SPECC1: variants seen among roughly 807,000 people sequenced by gnomAD.
The protein encoded by SPECC1 is sperm antigen with calponin homology and coiled-coil domains 1.
In SPECC1, 62 loss-of-function variants were observed where a neutral mutation model predicts 104.1. The observed-to-expected ratio is 0.60, with a 90% CI of 0.49 to 0.74. The LOEUF is 0.74. Ranked by LOEUF, SPECC1 falls within the 30% of genes least tolerant of loss-of-function variation. The pLI is 0.00. For missense variants in SPECC1, 1,306 were observed against 1,310.5 expected (o/e 1.00, Z 0.05); for synonymous variants, 513 against 501.6 (o/e 1.02, Z -0.30).
intron 12 of SPECC1, among the ~76,000 whole-genome samples, chr17:20,284,448 T>C (rs1347985415): frequency 6.6e-6 from 1 of 152,208 alleles, no homozygotes; most frequent in Non-Finnish European, 1.5e-5. Context: ...CACTCGAGGT[T>C]TACCAGATAG....
intron 1 of SPECC1, among the ~76,000 whole-genome samples, chr17:20,051,647 G>A (rs974740721): frequency 1.3e-5 from 2 of 152,040 alleles, no homozygotes; most frequent in Non-Finnish European, 2.9e-5. Flanking sequence ...CTCTGTGCTA[G>A]ACAGCGTTTT....
chr17:20,285,526 C>T (rs774132312), intron 12 of SPECC1, among the ~76,000 whole-genome samples: 3 of 152,052 alleles, frequency 2.0e-5, no homozygotes, highest in Non-Finnish European at 2.9e-5. Context: ...CCATATTCCA[C>T]TCAGAAATAT....
In SPECC1 at chr17:20,291,794, A is replaced by G. The variant is rs558201481; in HGVS notation, c.2941-5167A>G. 3.0e-4 allele frequency among the ~76,000 whole-genome samples: 45 copies of G among 152,024 alleles called. 1 individual carries two copies. The South Asian group carries it at 9.1e-3, about 31-fold the overall frequency. ...CCCTGAGCTCAAGTGATCTGCCTGCATTGGCCTCCCAAAGTTCTGGGGTTA... is the reference window on the plus strand; with the variant it reads ...CCCTGAGCTCAAGTGATCTGCCTGCGTTGGCCTCCCAAAGTTCTGGGGTTA... On this transcript the variant is annotated intron_variant, in intron 12 of 14. Coordinates refer to ENST00000395527, the MANE Select transcript of SPECC1 (RefSeq NM_001243439.2).
chr17:20,078,016 A>T (rs2046828308), intron 1 of SPECC1, among the ~76,000 whole-genome samples: 1 of 151,976 alleles, frequency 6.6e-6, no homozygotes, highest in South Asian at 2.1e-4. Context: ...ATGTAGGTAG[A>T]TGTGTAGAGA....
intron 3 of SPECC1, among the ~76,000 whole-genome samples, chr17:20,192,046 T>C (rs775350247): frequency 9.2e-5 from 14 of 152,024 alleles, no homozygotes; most frequent in Non-Finnish European, 1.5e-4. Context: ...AAGTGATCCT[T>C]CTTCTTCAGT....
chr17:20,258,243 G>A (rs989560082), intron 11 of SPECC1, among the ~76,000 whole-genome samples: 2 of 152,170 alleles, frequency 1.3e-5, no homozygotes, highest in African/African-American at 4.8e-5. Context: ...TGGTATATAA[G>A]GATTGAAGAG....
chr17:20,021,277 C>T (rs981490165), intron 1 of SPECC1, among the ~76,000 whole-genome samples: 8 of 152,010 alleles, frequency 5.3e-5, no homozygotes, highest in South Asian at 2.1e-4. Context: ...TCAAGGGTCA[C>T]GCGTATACTG....
At chr17:20,237,027 CAG>C (rs1395136202) in intron 7 of SPECC1, 10 of 1,533,058 alleles carry the variant, frequency 6.5e-6, no homozygotes, top group Admixed American at 2.0e-5. Context: ...CTCTGTTTCT[CAG>C]AGTCATTGCC....
intron 14 of SPECC1, among the ~76,000 whole-genome samples, chr17:20,311,132 A>G (rs1249811707): frequency 7.1e-6 from 1 of 140,310 alleles, no homozygotes. Context: ...GTGCTATTGT[A>G]AATGTTATTG....
intron 7 of SPECC1, chr17:20,239,421 C>T (rs1362851641): frequency 2.7e-6 from 1 of 374,174 alleles, no homozygotes; most frequent in African/African-American, 2.2e-5. Context: ...GGATTATATT[C>T]TTTTCAGTAC....
intron 12 of SPECC1, among the ~76,000 whole-genome samples, chr17:20,264,979 G>T (rs2040169185): frequency 3.3e-5 from 5 of 152,112 alleles, no homozygotes; most frequent in Admixed American, 3.3e-4. Flanking sequence ...TTTTATGGCT[G>T]TGTATTTCCA....
intron 1 of SPECC1, among the ~76,000 whole-genome samples, chr17:20,065,004 C>G (rs941134013): frequency 2.6e-5 from 4 of 152,062 alleles, no homozygotes; most frequent in African/African-American, 9.7e-5. Context: ...TTTATAGATA[C>G]TAGAAAGAAG....
intron 1 of SPECC1, among the ~76,000 whole-genome samples, chr17:20,059,000 C>T (rs916832013): frequency 6.6e-5 from 10 of 150,786 alleles, no homozygotes; most frequent in African/African-American, 2.2e-4. Context: ...CCACCACACC[C>T]GGCTAATTTT....
At chr17:20,041,138 T>A (rs1048434406) in intron 1 of SPECC1, among the ~76,000 whole-genome samples, 4 of 152,198 alleles carry the variant, frequency 2.6e-5, no homozygotes, top group African/African-American at 7.2e-5. Context: ...TATTTTCTGT[T>A]GAAGTTCACT....
At chr17:20,213,661 G>C (rs2037304499) in intron 4 of SPECC1, among the ~76,000 whole-genome samples, 1 of 152,174 alleles carries the variant, frequency 6.6e-6, no homozygotes, top group South Asian at 2.1e-4. Context: ...AGGGGAGAGG[G>C]GGTGAGTTGA....
intron 1 of SPECC1, among the ~76,000 whole-genome samples, chr17:20,055,845 G>A (rs893865316): frequency 3.3e-5 from 5 of 152,198 alleles, no homozygotes; most frequent in Non-Finnish European, 4.4e-5. Flanking sequence ...CGTTCTGACT[G>A]TGAGAGTTCT....
chr17:20,309,866 A>G (rs2041881450), intron 14 of SPECC1, among the ~76,000 whole-genome samples: 1 of 137,682 alleles, frequency 7.3e-6, no homozygotes, highest in African/African-American at 2.7e-5. Flanking sequence ...TGCCCAAGAT[A>G]GAGTGCAATG....
chr17:20,276,805 C>T (rs1464954694), intron 12 of SPECC1, among the ~76,000 whole-genome samples: 3 of 152,350 alleles, frequency 2.0e-5, no homozygotes, highest in East Asian at 1.9e-4. Flanking sequence ...GCTACAGAGC[C>T]GGCTGCATTA....
intron 1 of SPECC1, among the ~76,000 whole-genome samples, chr17:20,064,513 C>T (rs2046297239): frequency 6.6e-6 from 1 of 152,156 alleles, no homozygotes; most frequent in South Asian, 2.1e-4. Flanking sequence ...GTGGCAGGTA[C>T]ATGACGCTAG....
Sources: gnomAD v4.1 joint callset for allele counts (sites outside exome capture counted in the v4.1 genomes callset) on GRCh38, gnomAD v4.1.1 for gene constraint, MANE v1.5 for transcripts, NCBI Gene and HGNC (gene_info 2026-07-23, HGNC 2026-07-21) for gene names.